STOX2: variants seen among roughly 807,000 people sequenced by gnomAD.
STOX2 encodes storkhead box 2, also known as storkhead-box protein 2.
In STOX2, 28 loss-of-function variants were observed where a neutral mutation model predicts 60.9. That is an observed-to-expected ratio of 0.46 (90% CI 0.34 to 0.63). The LOEUF is 0.63. Among genes scored for constraint, STOX2 ranks in the 30% least tolerant of loss-of-function variants. The pLI is 0.01. For missense variants in STOX2, 1,024 were observed against 1,187.7 expected, an observed-to-expected ratio of 0.86 and a Z score of 2.03; for synonymous variants, 472 against 463.9, an observed-to-expected ratio of 1.02 and a Z score of -0.22.
chr4:183,951,636 A>G (rs1258494533), intron 1 of STOX2, among the ~76,000 whole-genome samples: 1 of 149,654 alleles, frequency 6.7e-6, no homozygotes, highest in Non-Finnish European at 1.5e-5. Context: ...TCTCTTATCC[A>G]GTTTTCTAAA....
At chr4:183,826,751 T>C (rs1654270723) in intron 1 of STOX2, among the ~76,000 whole-genome samples, 1 of 152,228 alleles carries the variant, frequency 6.6e-6, no homozygotes. Context: ...AGAATGTGTT[T>C]GGACAAATGC....
At chr4:183,970,654 G>T (rs1165153025) in intron 1 of STOX2, among the ~76,000 whole-genome samples, 2 of 152,192 alleles carry the variant, frequency 1.3e-5, no homozygotes, top group Non-Finnish European at 2.9e-5. Context: ...GGAGCACTTT[G>T]GGCTGAGCCA....
intron 1 of STOX2, among the ~76,000 whole-genome samples, chr4:183,850,932 GGATGAGGGAAAGGATGAGGGAAAC>G (rs1740107483): frequency 1.7e-4 from 20 of 118,834 alleles, no homozygotes; most frequent in African/African-American, 6.3e-4. Context: ...ATGAGGGAAA[GGATGAGGGAAAGGATGAGGGAAAC>G]GATGAGGGAA....
chr4:183,861,792 T>C (rs1358776930), intron 1 of STOX2, among the ~76,000 whole-genome samples: 1 of 152,234 alleles, frequency 6.6e-6, no homozygotes, highest in African/African-American at 2.4e-5. Context: ...TTTATGATTA[T>C]CTAAACGCTA....
chr4:183,951,582 C>T (rs1014740503), intron 1 of STOX2, among the ~76,000 whole-genome samples: 2 of 151,176 alleles, frequency 1.3e-5, no homozygotes, highest in Non-Finnish European at 2.9e-5. Flanking sequence ...TCTCAAGCAG[C>T]TGGGATTACA....
chr4:183,915,421 CTT>C (rs70959158), intron 1 of STOX2, among the ~76,000 whole-genome samples: 1 of 146,550 alleles, frequency 6.8e-6, no homozygotes. Context: ...GGGTATTTGT[CTT>C]TTTTTTTTTT....
intron 1 of STOX2, among the ~76,000 whole-genome samples, chr4:183,934,060 T>C (rs1317248722): frequency 6.6e-6 from 1 of 152,078 alleles, no homozygotes; most frequent in Admixed American, 6.6e-5. Flanking sequence ...TCCTAGCACT[T>C]TGGGAGGCCG....
chr4:183,968,774 G>GT (rs1743655517), intron 1 of STOX2, among the ~76,000 whole-genome samples: 1 of 150,322 alleles, frequency 6.7e-6, no homozygotes, highest in Admixed American at 6.6e-5. Context: ...GGGGTGTTGG[G>GT]TGGCAGGGGT....
intron 1 of STOX2, among the ~76,000 whole-genome samples, chr4:183,830,530 A>G (rs1266719943): frequency 3.9e-5 from 6 of 152,140 alleles, no homozygotes; most frequent in Non-Finnish European, 8.8e-5. Flanking sequence ...GACCTTAGCC[A>G]TGACCCCAGG....
chr4:183,933,678 T>C (rs553252531), intron 1 of STOX2, among the ~76,000 whole-genome samples: 3 of 152,284 alleles, frequency 2.0e-5, no homozygotes, highest in Non-Finnish European at 4.4e-5. Flanking sequence ...TGTGAGCCAC[T>C]GCACCTGGCT....
chr4:183,855,467 A>G (rs772771816), intron 1 of STOX2, among the ~76,000 whole-genome samples: 10 of 152,034 alleles, frequency 6.6e-5, no homozygotes, highest in Non-Finnish European at 1.0e-4. Flanking sequence ...AGAAACGTTC[A>G]TATCATTTCC....
intron 1 of STOX2, among the ~76,000 whole-genome samples, chr4:183,884,096 C>T (rs1003405334): frequency 6.6e-6 from 1 of 152,050 alleles, no homozygotes; most frequent in South Asian, 2.1e-4. Flanking sequence ...TTAGGTGATC[C>T]GCCCCCCTCG....
intron 1 of STOX2, among the ~76,000 whole-genome samples, chr4:183,888,891 G>A (rs879577041): frequency 2.0e-5 from 3 of 152,032 alleles, no homozygotes; most frequent in Admixed American, 1.3e-4. Flanking sequence ...TGCTGGGGAA[G>A]GGGGCAAATG....
chr4:183,851,080 GA>G (rs1428794517), intron 1 of STOX2, among the ~76,000 whole-genome samples: 3 of 124,358 alleles, frequency 2.4e-5, no homozygotes, highest in South Asian at 3.3e-4. Flanking sequence ...GAAAGGATGA[GA>G]GAAAGGATGA....
intron 1 of STOX2, among the ~76,000 whole-genome samples, chr4:183,936,195 C>T (rs1362458669): frequency 6.6e-6 from 1 of 150,512 alleles, no homozygotes; most frequent in Non-Finnish European, 1.5e-5. Context: ...TTCCTCCAAG[C>T]CTTGGCAAAC....
At chr4:183,885,713 G>A (rs1267618982) in intron 1 of STOX2, among the ~76,000 whole-genome samples, 1 of 152,226 alleles carries the variant, frequency 6.6e-6, no homozygotes, top group Non-Finnish European at 1.5e-5. Flanking sequence ...ATACACTGGT[G>A]TTTAATGCTC....
chr4:183,862,787 C>T (rs115793400), intron 1 of STOX2, among the ~76,000 whole-genome samples: 2 of 152,294 alleles, frequency 1.3e-5, no homozygotes, highest in African/African-American at 4.8e-5. Context: ...AGGGAGGGAT[C>T]GCGCCCCACC....
In STOX2 at chr4:183,921,967, C is replaced by T. The variant is rs528213873; in HGVS notation, c.166+15011C>T. On this transcript the variant is annotated intron_variant, in intron 1 of 3. Coordinates refer to ENST00000308497, the MANE Select transcript of STOX2 (RefSeq NM_020225.3). ...GAATCAATACACCAAACGATAAACT[C>T]GTAAAATGAAAAAGGTCAAACACTT... Among the ~76,000 whole-genome samples the T allele has an allele frequency of 4.6e-5, 7 of 152,184 alleles. No homozygotes were observed. In the East Asian group the frequency reaches 5.8e-4, roughly 13 times the overall value.
chr4:183,997,307 C>CT (rs1360257878), intron 1 of STOX2, among the ~76,000 whole-genome samples: 3 of 152,188 alleles, frequency 2.0e-5, no homozygotes, highest in Admixed American at 2.0e-4. Flanking sequence ...AATACAAAGG[C>CT]CCTGAGTTGA....
Sources: gnomAD v4.1 joint callset for allele counts (sites outside exome capture counted in the v4.1 genomes callset) on GRCh38, gnomAD v4.1.1 for gene constraint, MANE v1.5 for transcripts, NCBI Gene and HGNC (gene_info 2026-07-23, HGNC 2026-07-21) for gene names.